Variants in ARSH observed in about 807,000 individuals in gnomAD.
ARSH encodes arylsulfatase H.
A neutral mutation model predicts 28.7 loss-of-function variants in ARSH; 32 were observed. The observed-to-expected ratio is 1.11, with a 90% CI of 0.84 to 1.50. The LOEUF is 1.50. Among genes scored for constraint, ARSH ranks in the 40% most tolerant of loss-of-function variants. The pLI is 0.00. For synonymous variants in ARSH, 176 were observed against 177.3 expected (o/e 0.99, Z 0.06); for missense variants, 440 against 452.4 (o/e 0.97, Z 0.25).
At position 3,015,378 on chromosome X, in the gene ARSH, T is replaced by A. The variant is rs759226551; in HGVS notation, c.749T>A (p.Leu250His). 7 of 1,208,042 alleles carry A rather than the reference T, an allele frequency of 5.8e-6. No individual in the cohort carries two copies. In the African/African-American group the frequency reaches 1.2e-4, roughly 21 times the overall value. ...GCTTCCCTCATGCTGAAGGAGGCACTTGCTTTCATTGAAAGGTATTTAGCC... is the reference window on the plus strand; with the variant it reads ...GCTTCCCTCATGCTGAAGGAGGCACATGCTTTCATTGAAAGGTATTTAGCC... ...KVASLMLKEA[L>H]AFIERYKREP... The change falls in exon 4 of 9, where the codon CTT becomes CAT. Residue 250 changes from leucine (L) to histidine (H), a missense_variant. Coordinates refer to ENST00000381130, the MANE Select transcript of ARSH (RefSeq NM_001011719.2).
At chrX:3,021,336 C>G (rs1390526586) in intron 5 of ARSH, among the ~76,000 whole-genome samples, 1 of 111,744 alleles carries the variant, frequency 8.9e-6, no homozygotes, top group East Asian at 2.8e-4. Flanking sequence ...CAAAAGCTAG[C>G]AATTGCATTA....
rs1449100318 is a variant in ARSH, at chrX:3,033,084, A to G, written c.1388A>G (p.Tyr463Cys). The G allele has an allele frequency of 1.7e-6, 2 of 1,211,232 alleles. No individual in the cohort carries two copies. Among genetic ancestry groups the G allele is most frequent in the Admixed American group, 2.2e-5 (1 of 45,945 alleles). ...TACCCTGAAGGAACAGGTGCCTGCT[A>G]TGGGAGTGGAATATGTTCATGTTCG... ...KFYPEGTGAC[Y>C]GSGICSCSGD... The change falls in exon 9 of 9, where the codon TAT (tyrosine) becomes TGT (cysteine). Residue 463 changes from tyrosine (Y) to cysteine (C), a missense_variant. Tyr to Cys is a radical substitution (Grantham distance 194, BLOSUM62 -2). Transcript: ENST00000381130.
chrX:3,012,702 A>G (rs1201808851), intron 2 of ARSH, among the ~76,000 whole-genome samples: 1 of 101,291 alleles, frequency 9.9e-6, no homozygotes, highest in Non-Finnish European at 2.0e-5. Flanking sequence ...TTAAAAATGT[A>G]TTTATACCCA....
chrX:3,007,993 A>G (rs1485648994), intron 1 of ARSH, among the ~76,000 whole-genome samples: 2 of 111,670 alleles, frequency 1.8e-5, no homozygotes, highest in South Asian at 3.8e-4. Context: ...TAAAGACTCC[A>G]TCTTCAAATA....
At chrX:3,029,769 G>A (rs1014357580) in intron 8 of ARSH, among the ~76,000 whole-genome samples, 7 of 111,323 alleles carry the variant, frequency 6.3e-5, no homozygotes, top group African/African-American at 2.0e-4. Context: ...GACCTCAGGC[G>A]ATCTGCCCAC....
At chrX:3,020,003 G>A (rs905096287) in intron 5 of ARSH, among the ~76,000 whole-genome samples, 2 of 109,343 alleles carry the variant, frequency 1.8e-5, no homozygotes, top group Non-Finnish European at 3.8e-5. Flanking sequence ...ATACAGAGAG[G>A]GGCCAGGCGT....
At position 3,013,184 on chromosome X, in the gene ARSH, G is replaced by C. The variant is rs2089855927; in HGVS notation, c.340+12G>C. 2 of 1,197,021 alleles carry C rather than the reference G, an allele frequency of 1.7e-6. No homozygotes were observed. Among genetic ancestry groups the C allele is most frequent in the African/African-American group, 3.5e-5 (2 of 56,649 alleles). ...CACGGGACTCATAGGTATGGCGCCG[G>C]AACTCTGCCCGTGGAAACGTGATCC... On this transcript the variant is annotated intron_variant, in intron 3 of 8. Coordinates refer to ENST00000381130, the MANE Select transcript of ARSH (RefSeq NM_001011719.2).
At position 3,020,588 on chromosome X, in the gene ARSH, C is replaced by CAAA. The variant is rs759581189; in HGVS notation, c.901+1939_901+1941dup. ...TGGGCGACAGAGCCAGACTCAGTCTCAAAAAAAAAAAAAAAAAAAAAAAGA... is the reference window on the plus strand; with the variant it reads ...TGGGCGACAGAGCCAGACTCAGTCTCAAAAAAAAAAAAAAAAAAAAAAAAAAGA... On this transcript the variant is annotated intron_variant, in intron 5 of 8. Coordinates refer to ENST00000381130, the MANE Select transcript of ARSH (RefSeq NM_001011719.2). Among the ~76,000 whole-genome samples the CAAA allele has an allele frequency of 2.8e-3, 122 of 44,087 alleles. 1 individual carries two copies. The highest frequency in any genetic ancestry group is 3.4e-3 in the Non-Finnish European group (88 of 26,014). The allele number at this position is 44,087 out of a possible 115,157, so 38.3% of individuals were successfully genotyped here.
chrX:3,029,149 T>TTCCTCCTCC (rs369931549), intron 7 of ARSH, 98 bp from the exon 8 acceptor site: 2 of 895,997 alleles, frequency 2.2e-6, no homozygotes, highest in East Asian at 6.8e-5. Context: ...CCCCTTCCTT[T>TTCCTCCTCC]TCCTCCTCCT....
In ARSH at chrX:3,006,618, A is replaced by T. The variant is rs2089827868; in HGVS notation, c.6A>T (p.Thr2=). 4.1e-6 allele frequency: 5 copies of T among 1,210,419 alleles called. No individual in the cohort carries two copies. The highest frequency in any genetic ancestry group is 4.5e-6 in the Non-Finnish European group (4 of 894,727). The change falls in exon 1 of 9, where the codon ACA becomes ACT. Residue 2 remains threonine, a synonymous_variant. Coordinates refer to ENST00000381130, the MANE Select transcript of ARSH (RefSeq NM_001011719.2). The part of the protein sequence containing the change: M[T]RNARPNIVLL... Reference sequence around the variant, plus strand: ...GCGGTGTTGATGGCACATTTATGACAAGAAACGCCAGACCCAACATTGTCC... The same window carrying T: ...GCGGTGTTGATGGCACATTTATGACTAGAAACGCCAGACCCAACATTGTCC...
intron 8 of ARSH, among the ~76,000 whole-genome samples, chrX:3,032,565 GAGAA>G (rs1166498442): frequency 3.8e-5 from 4 of 105,997 alleles, no homozygotes; most frequent in Non-Finnish European, 7.8e-5. Flanking sequence ...AGAAGAGAGT[GAGAA>G]AGAGGGAGGG....
At chrX:3,025,318 A>G (rs779271235) in intron 6 of ARSH, among the ~76,000 whole-genome samples, 4 of 105,977 alleles carry the variant, frequency 3.8e-5, no homozygotes, top group African/African-American at 1.3e-4. Context: ...ATATACACAC[A>G]TAATTCTATA....
intron 8 of ARSH, among the ~76,000 whole-genome samples, chrX:3,030,980 T>A (rs2089912419): frequency 1.8e-5 from 2 of 108,781 alleles, no homozygotes; most frequent in Admixed American, 1.0e-4. Flanking sequence ...CAAGACCCTG[T>A]CCCTACAAAG....
intron 2 of ARSH, 61 bp from the exon 3 acceptor site, chrX:3,012,986 C>T (rs1603463346): frequency 1.3e-5 from 15 of 1,152,294 alleles, no homozygotes; most frequent in East Asian, 6.4e-5. Flanking sequence ...TTAAGCATGT[C>T]GGGATAAATT....
chrX:3,013,037 G>A lies in ARSH; in HGVS notation c.215-10G>A. On this transcript the variant is annotated splice_polypyrimidine_tract_variant and intron_variant, in intron 2 of 8. Coordinates refer to ENST00000381130, the MANE Select transcript of ARSH (RefSeq NM_001011719.2). ...CTATGGTGCTAACTTATTGACTTCT[G>A]TGAATTTAGGGATGGTGTCTGCCTA... 1.7e-6 allele frequency: 2 copies of A among 1,208,396 alleles called. No homozygotes were observed. Among genetic ancestry groups the A allele is most frequent in the Non-Finnish European group, 2.2e-6 (2 of 894,047 alleles).
Position 3,015,241 on chromosome X carries a change from C to G in ARSH, c.612C>G (p.Ala204=), listed in dbSNP as rs2089862676. 8.3e-7 allele frequency: 1 copy of G among 1,211,365 alleles called. No individual in the cohort carries two copies. Among genetic ancestry groups the G allele is most frequent in the Non-Finnish European group, 1.1e-6 (1 of 895,359 alleles). ...WKVIFVFALL[A]FLFFTSWYSS... ...TCATCTTTGTCTTTGCTCTCCTCGC[C>G]TTTCTGTTTTTCACTTCCTGGTACT... The change falls in exon 4 of 9, where the codon GCC becomes GCG. Residue 204 remains alanine (A), a synonymous_variant. Coordinates refer to ENST00000381130, the MANE Select transcript of ARSH (RefSeq NM_001011719.2).
At chrX:3,020,543 T>C (rs755080390) in intron 5 of ARSH, among the ~76,000 whole-genome samples, 2,372 of 92,085 alleles carry the variant, frequency 0.026, 99 homozygotes, top group African/African-American at 0.093. Context: ...GAGCCGAGAT[T>C]GTGCCACTGC....
At chrX:3,021,834 T>A (rs1229403680) in intron 5 of ARSH, among the ~76,000 whole-genome samples, 1 of 106,734 alleles carries the variant, frequency 9.4e-6, no homozygotes, top group Admixed American at 1.0e-4. Flanking sequence ...CACCTCAGCC[T>A]CGTGAGTAGC....
At chrX:3,032,732 G>A (rs769263618) in intron 8 of ARSH, among the ~76,000 whole-genome samples, 1 of 112,153 alleles carries the variant, frequency 8.9e-6, no homozygotes, top group African/African-American at 3.2e-5. Context: ...TAATCAGATT[G>A]AGGTAGAATT....
Sources: allele counts gnomAD v4.1 joint callset (sites outside exome capture counted in the v4.1 genomes callset), GRCh38; gene constraint gnomAD v4.1.1; transcripts MANE v1.5; gene names NCBI Gene and HGNC (gene_info 2026-07-23, HGNC 2026-07-21).